The following SYNJ1 variants were observed in gnomAD, a reference collection of about 807,000 sequenced individuals.
SYNJ1 encodes synaptojanin 1.
Under a neutral mutation model 168.2 loss-of-function variants are expected in SYNJ1, and 78 were observed. The ratio of observed to expected loss-of-function variants is 0.46; its 90% CI spans 0.39 to 0.56. SYNJ1 has a LOEUF of 0.56. SYNJ1 is among the 20% of genes least tolerant of loss of function. SYNJ1 has a pLI of 0.00. For missense variants in SYNJ1, 1,303 were observed against 1,597.6 expected, an observed-to-expected ratio of 0.82 and a Z score of 3.14; for synonymous variants, 539 against 548.6, an observed-to-expected ratio of 0.98 and a Z score of 0.24.
At chr21:32,673,189 T>A (rs1226524869) in intron 14 of SYNJ1, 151 bp downstream of exon 14, 2 of 539,706 alleles carry the variant, frequency 3.7e-6, no homozygotes, top group Non-Finnish European at 5.8e-6. Context: ...TTTTAATAGA[T>A]GTGATCTTTA....
chr21:32,700,981 G>A (rs867241031), intron 3 of SYNJ1, among the ~76,000 whole-genome samples: 1 of 152,144 alleles, frequency 6.6e-6, no homozygotes, highest in African/African-American at 2.4e-5. Context: ...ATTGAGCAAT[G>A]GTATACTGTG....
chr21:32,714,780 CCTT>C (rs1248018626), intron 2 of SYNJ1, among the ~76,000 whole-genome samples: 2 of 152,182 alleles, frequency 1.3e-5, no homozygotes. Flanking sequence ...GAAATTTCTA[CCTT>C]CTTCTGCCAA....
chr21:32,695,033 A>C, intron 5 of SYNJ1, 24 bp downstream of exon 5: 1 of 1,582,818 alleles, frequency 6.3e-7, no homozygotes, highest in South Asian at 1.1e-5. Flanking sequence ...AAATTAATTA[A>C]GTAATATAAA....
At chr21:32,649,146 T>C (rs1169474172) in intron 23 of SYNJ1, among the ~76,000 whole-genome samples, 3 of 152,236 alleles carry the variant, frequency 2.0e-5, no homozygotes, top group Admixed American at 1.3e-4. Context: ...GTCACTTTAT[T>C]ATAATTGCCT....
At chr21:32,643,040 T>C (rs1357876280) in intron 27 of SYNJ1, among the ~76,000 whole-genome samples, 2 of 152,232 alleles carry the variant, frequency 1.3e-5, no homozygotes, top group Non-Finnish European at 2.9e-5. Flanking sequence ...TTAATTATAA[T>C]CATTAATTTT....
intron 31 of SYNJ1, among the ~76,000 whole-genome samples, chr21:32,635,817 T>C (rs986040123): frequency 5.3e-5 from 8 of 152,132 alleles, no homozygotes; most frequent in African/African-American, 1.9e-4. Context: ...TACAAGAAAC[T>C]TGTACCTTAC....
chr21:32,678,621 A>C, intron 12 of SYNJ1, 24 bp downstream of exon 12: 1 of 1,519,414 alleles, frequency 6.6e-7, no homozygotes, highest in Non-Finnish European at 8.7e-7. Context: ...TATAAATAAC[A>C]AATAAAATAT....
intron 17 of SYNJ1, 104 bp from the exon 18 acceptor site, chr21:32,665,175 G>T: frequency 1.6e-6 from 2 of 1,212,746 alleles, no homozygotes; most frequent in Non-Finnish European, 2.2e-6. Context: ...CCCATGTCCT[G>T]TTTCTTTGAC....
chr21:32,699,998 G>C lies in SYNJ1; in HGVS notation c.319C>G (p.Arg107Gly). Residue 107 changes from arginine to glycine, a missense_variant, in exon 4 of 33, where the codon CGA becomes GGA. Arg to Gly is a moderately radical substitution (Grantham distance 125, BLOSUM62 -2). Transcript: ENST00000674351. ...CGATCCTCATCTGAAGAATCGATTC[G>C]CAGTGATATAAACTCAGTGGAAGTA... ...RVTSTEFISL[R>G]IDSSDEDRIS... is the part of the protein sequence containing the mutation. 1.9e-6 allele frequency: 3 copies of C among 1,614,100 alleles called. No homozygotes were observed. The highest frequency in any genetic ancestry group is 2.2e-5 in the South Asian group (2 of 91,074).
At chr21:32,721,856 T>C (rs1264919761) in intron 2 of SYNJ1, among the ~76,000 whole-genome samples, 1 of 152,184 alleles carries the variant, frequency 6.6e-6, no homozygotes, top group Non-Finnish European at 1.5e-5. Context: ...ATACATCTTT[T>C]ATATCAGCAG....
At chr21:32,678,556 C>A (rs981984795) in intron 12 of SYNJ1, 89 bp downstream of exon 12, 4 of 1,366,294 alleles carry the variant, frequency 2.9e-6, no homozygotes, top group Non-Finnish European at 3.9e-6. Flanking sequence ...ACTATTTTAA[C>A]CAACTAAAAA....
At chr21:32,641,568 A>T (rs62214740) in intron 29 of SYNJ1, among the ~76,000 whole-genome samples, 1 of 152,088 alleles carries the variant, frequency 6.6e-6, no homozygotes, top group Non-Finnish European at 1.5e-5. Flanking sequence ...GGATTACTTT[A>T]TATCTTCATT....
In SYNJ1 at chr21:32,639,014, G is replaced by A; in HGVS notation, c.3809C>T (p.Pro1270Leu). Reference protein sequence around the residue: ...LQEPLVPVAAPMPQSGPQPNL... With the variant: ...LQEPLVPVAALMPQSGPQPNL... Reference sequence around the variant, plus strand: ...TGGCTGGGGGCCAGACTGAGGCATAGGTGCTGCCACAGGGACAAGAGGCTC... The same window carrying A: ...TGGCTGGGGGCCAGACTGAGGCATAAGTGCTGCCACAGGGACAAGAGGCTC... The change falls in exon 31 of 33, where the codon CCT becomes CTT. Residue 1270 changes from proline (P) to leucine (L), a missense_variant. Pro to Leu is a moderately conservative substitution (Grantham distance 98). This residue lies in a region of SYNJ1 where 383 missense variants were observed against 388.8 expected (regional missense o/e 0.99). Coordinates refer to ENST00000674351, the MANE Select transcript of SYNJ1 (RefSeq NM_203446.3). The A allele has an allele frequency of 6.2e-7, 1 of 1,614,150 alleles. No individual in the cohort carries two copies. Among genetic ancestry groups the A allele is most frequent in the Non-Finnish European group, 8.5e-7 (1 of 1,180,010 alleles).
intron 18 of SYNJ1, among the ~76,000 whole-genome samples, chr21:32,664,241 G>C (rs2145909721): frequency 6.6e-6 from 1 of 152,296 alleles, no homozygotes; most frequent in Non-Finnish European, 1.5e-5. Context: ...CTTGCAAGAA[G>C]ACATGGGTAA....
intron 2 of SYNJ1, among the ~76,000 whole-genome samples, chr21:32,706,004 A>G (rs1216105663): frequency 1.3e-5 from 2 of 152,126 alleles, no homozygotes; most frequent in African/African-American, 2.4e-5. Context: ...ACAGCAAACC[A>G]AAGTGAACAC....
intron 18 of SYNJ1, among the ~76,000 whole-genome samples, 194 bp from the exon 19 acceptor site, chr21:32,658,066 A>G (rs559822178): frequency 1.3e-5 from 2 of 152,296 alleles, no homozygotes; most frequent in East Asian, 1.9e-4. Flanking sequence ...TTTCATACCC[A>G]TAGGGACAGG....
chr21:32,642,164 T>A (rs752585473), intron 27 of SYNJ1, 31 bp from the exon 28 acceptor site: 1 of 1,613,136 alleles, frequency 6.2e-7, no homozygotes, highest in Non-Finnish European at 8.5e-7. Flanking sequence ...AAAAAATTAG[T>A]TGTAAGTTAA....
chr21:32,631,922 T>A, intron 32 of SYNJ1, 121 bp from the exon 33 acceptor site: 1 of 895,780 alleles, frequency 1.1e-6, no homozygotes, highest in Non-Finnish European at 1.6e-6. Context: ...AACTAAAAAG[T>A]AGCTTTGTGT....
At chr21:32,715,473 CAA>C (rs879789278) in intron 2 of SYNJ1, among the ~76,000 whole-genome samples, 5 of 118,174 alleles carry the variant, frequency 4.2e-5, no homozygotes, top group Non-Finnish European at 7.2e-5. Context: ...GACTCTGTCT[CAA>C]AAAAAAAAAA....
Sources: gnomAD v4.1 joint callset for allele counts (sites outside exome capture counted in the v4.1 genomes callset) on GRCh38, gnomAD v4.1.1 for gene constraint, gnomAD v4.1.1 regional missense constraint, MANE v1.5 for transcripts, NCBI Gene and HGNC (gene_info 2026-07-23, HGNC 2026-07-21) for gene names.